EFCAB3: variants seen among roughly 807,000 people sequenced by gnomAD.
EFCAB3 encodes EF-hand calcium binding domain 3, also known as EF-hand calcium-binding domain-containing protein 3.
EFCAB3 carries 36 observed loss-of-function variants against 42.2 expected under a neutral mutation model. The ratio of observed to expected loss-of-function variants is 0.85; its 90% confidence interval spans 0.65 to 1.13. EFCAB3 has a LOEUF of 1.13. Among genes scored for constraint, EFCAB3 ranks in the 50% most tolerant of loss-of-function variants. The pLI is 0.00. For synonymous variants in EFCAB3, 170 were observed against 172.8 expected (o/e 0.98, Z 0.13); for missense variants, 418 against 505.1 (o/e 0.83, Z 1.65).
intron 6 of EFCAB3, among the ~76,000 whole-genome samples, chr17:62,404,532 C>T (rs997459893): frequency 1.3e-5 from 2 of 152,102 alleles, no homozygotes; most frequent in Admixed American, 6.6e-5. Context: ...CGCGGTGGCT[C>T]ACGCCTGTAA....
At chr17:62,404,370 C>T (rs1270204332) in intron 6 of EFCAB3, among the ~76,000 whole-genome samples, 2 of 151,872 alleles carry the variant, frequency 1.3e-5, no homozygotes, top group Non-Finnish European at 2.9e-5. Context: ...GGGTGGCTTG[C>T]ACCTGTGGTC....
chr17:62,376,227 C>A (rs1392657495), upstream of EFCAB3, among the ~76,000 whole-genome samples: 2 of 152,140 alleles, frequency 1.3e-5, no homozygotes, highest in Non-Finnish European at 2.9e-5. Flanking sequence ...AATCTCAGCA[C>A]TTTGGGAGAC....
intron 3 of EFCAB3, among the ~76,000 whole-genome samples, chr17:62,387,932 C>T (rs749764622): frequency 1.3e-5 from 2 of 152,122 alleles, no homozygotes; most frequent in African/African-American, 2.4e-5. Flanking sequence ...TTGCCAGGCA[C>T]GGTGGCTCAC....
intron 2 of EFCAB3, among the ~76,000 whole-genome samples, chr17:62,386,973 G>A (rs756059297): frequency 3.9e-4 from 59 of 152,010 alleles, no homozygotes; most frequent in Non-Finnish European, 6.3e-4. Context: ...TTATGTTTTT[G>A]TAGAGACAGG....
chr17:62,400,073 G>A (rs1342785038), intron 6 of EFCAB3, among the ~76,000 whole-genome samples: 1 of 152,020 alleles, frequency 6.6e-6, no homozygotes, highest in East Asian at 1.9e-4. Context: ...CAAGGAGAAT[G>A]AGGCACAGAG....
upstream of EFCAB3, among the ~76,000 whole-genome samples, chr17:62,379,067 A>G (rs1317194411): frequency 1.3e-5 from 2 of 152,146 alleles, no homozygotes. Flanking sequence ...AATAGGGAAA[A>G]ATATCTGTGA....
At chr17:62,401,990 G>A (rs970522588) in intron 6 of EFCAB3, among the ~76,000 whole-genome samples, 3 of 152,142 alleles carry the variant, frequency 2.0e-5, no homozygotes, top group African/African-American at 4.8e-5. Context: ...AATTATCCTT[G>A]AAGAGGTCCT....
upstream of EFCAB3, among the ~76,000 whole-genome samples, chr17:62,380,190 T>G (rs774331036): frequency 7.2e-5 from 11 of 152,130 alleles, no homozygotes; most frequent in Non-Finnish European, 1.5e-4. Flanking sequence ...TTAATAGAGA[T>G]GAGGGTTTCA....
At chr17:62,372,280 T>G (rs1312357506) in intron 1 of EFCAB3, among the ~76,000 whole-genome samples, 1 of 152,106 alleles carries the variant, frequency 6.6e-6, no homozygotes, top group East Asian at 1.9e-4. Context: ...GATTTTGTTT[T>G]TTGTTTTGGG....
exon 2 of EFCAB3, chr17:62,373,837 T>C: frequency 6.6e-7 from 1 of 1,512,840 alleles, no homozygotes. Context: ...TAATGTTAAT[T>C]CAATAATGGA....
chr17:62,407,331 C>G, intron 8 of EFCAB3, 119 bp downstream of exon 8: 1 of 872,320 alleles, frequency 1.1e-6, no homozygotes, highest in Non-Finnish European at 1.6e-6. Flanking sequence ...AAAGCAGATG[C>G]CATAACCATG....
rs200870166 is a variant in EFCAB3 at position 62,406,446 on chromosome 17, T to C, written c.489-34T>C. 1.2e-3 allele frequency: 1,811 copies of C among 1,535,990 alleles called. 6 individuals carry two copies. Among genetic ancestry groups the C allele is most frequent in the Admixed American group, 1.5e-3 (68 of 46,784 alleles). The stretch of plus-strand genomic sequence containing the variant: ...TTAAAATTTTTGTCCTATGTCTCTT[T>C]GTATCCATTTCTGAATTACTTTTTT... On this transcript the variant is annotated intron_variant, in intron 6 of 9. Coordinates refer to ENST00000305286, the MANE Select transcript of EFCAB3 (RefSeq NM_173503.4).
intron 2 of EFCAB3, among the ~76,000 whole-genome samples, chr17:62,383,912 T>G (rs2070225946): frequency 6.6e-6 from 1 of 152,118 alleles, no homozygotes; most frequent in South Asian, 2.1e-4. Context: ...GGAAGGGAGA[T>G]TTACCTGTGA....
rs12947765 is a variant in EFCAB3 at position 62,412,552 on chromosome 17, C to A, written c.868-1180C>A. 2.0e-5 allele frequency among the ~76,000 whole-genome samples: 3 copies of A among 152,066 alleles called. No homozygotes were observed. The East Asian group carries it at 5.8e-4, about 30-fold the overall frequency. On this transcript the variant is annotated intron_variant, in intron 8 of 9. Coordinates refer to ENST00000305286, the MANE Select transcript of EFCAB3 (RefSeq NM_173503.4). Reference sequence around the variant, plus strand: ...TGATATCAGCTCACTACAACCTCTGCCTCCCAGGCTCAAGCAATCCTCCCA... The same window carrying A: ...TGATATCAGCTCACTACAACCTCTGACTCCCAGGCTCAAGCAATCCTCCCA...
At chr17:62,370,922 T>G (rs1375964984) in intron 1 of EFCAB3, among the ~76,000 whole-genome samples, 2 of 147,420 alleles carry the variant, frequency 1.4e-5, no homozygotes, top group African/African-American at 5.1e-5. Context: ...ACCCTGTCTC[T>G]ACAAAAAAAA....
chr17:62,390,620 C>CATGCA, intron 3 of EFCAB3, among the ~76,000 whole-genome samples: 1 of 152,274 alleles, frequency 6.6e-6, no homozygotes, highest in Middle Eastern at 3.4e-3. Flanking sequence ...CCATGGAAAG[C>CATGCA]ATGCAATCAA....
At chr17:62,414,427 T>G (rs1258118504) in intron 9 of EFCAB3, among the ~76,000 whole-genome samples, 4 of 152,212 alleles carry the variant, frequency 2.6e-5, no homozygotes, top group Non-Finnish European at 5.9e-5. Flanking sequence ...CCTCTATGTC[T>G]GTCCTATCTC....
intron 2 of EFCAB3, among the ~76,000 whole-genome samples, chr17:62,386,265 T>C (rs1221940667): frequency 1.3e-5 from 2 of 152,176 alleles, no homozygotes; most frequent in Non-Finnish European, 2.9e-5. Flanking sequence ...AACTAATAAA[T>C]TACTTCAGAT....
At chr17:62,376,032 C>T (rs951183981), upstream of EFCAB3, among the ~76,000 whole-genome samples, 2 of 152,182 alleles carry the variant, frequency 1.3e-5, no homozygotes, top group African/African-American at 4.8e-5. Context: ...AATCCACCTA[C>T]TGCCACTGAA....
Sources: gnomAD v4.1 joint callset for allele counts (sites outside exome capture counted in the v4.1 genomes callset) on GRCh38, gnomAD v4.1.1 for gene constraint, MANE v1.5 for transcripts, NCBI Gene and HGNC (gene_info 2026-07-23, HGNC 2026-07-21) for gene names.